The following EYA3 variants were observed in gnomAD, a reference collection of about 807,000 sequenced individuals.
EYA3 encodes the protein protein phosphatase EYA3.
A neutral mutation model predicts 80.0 loss-of-function variants in EYA3; 39 were observed. The observed-to-expected ratio is 0.49, with a 90% CI of 0.38 to 0.64. The LOEUF (loss-of-function observed/expected upper bound fraction) is 0.64. Among genes scored for constraint, EYA3 ranks in the 30% least tolerant of loss-of-function variants. EYA3 has a pLI of 0.00. For missense variants in EYA3, 523 were observed against 676.1 expected, an observed-to-expected ratio of 0.77 and a Z score of 2.51; for synonymous variants, 206 against 232.8, an observed-to-expected ratio of 0.88 and a Z score of 1.05.
At chr1:28,008,974 C>A (rs535574823) in intron 10 of EYA3, among the ~76,000 whole-genome samples, 1 of 152,086 alleles carries the variant, frequency 6.6e-6, no homozygotes, top group South Asian at 2.1e-4. Flanking sequence ...TAGCTATTAT[C>A]AAAAAAATGG....
At chr1:27,978,874 A>G (rs1639121787) in intron 16 of EYA3, among the ~76,000 whole-genome samples, 1 of 152,232 alleles carries the variant, frequency 6.6e-6, no homozygotes, top group African/African-American at 2.4e-5. Flanking sequence ...AGGCAGGAGA[A>G]TCGCTTGAAC....
At chr1:28,081,025 G>A (rs1170450977) in intron 1 of EYA3, among the ~76,000 whole-genome samples, 2 of 152,010 alleles carry the variant, frequency 1.3e-5, no homozygotes, top group African/African-American at 4.8e-5. Flanking sequence ...CCAAAGTGCT[G>A]GGATTACAGG....
intron 11 of EYA3, among the ~76,000 whole-genome samples, chr1:28,003,355 G>C (rs1641032233): frequency 1.3e-5 from 2 of 152,078 alleles, no homozygotes; most frequent in East Asian, 3.8e-4. Context: ...TGTAATCCTA[G>C]CTACTTGGGA....
intron 9 of EYA3, among the ~76,000 whole-genome samples, chr1:28,011,468 T>A (rs78662031): frequency 0.024 from 3,697 of 152,274 alleles, 80 homozygotes; most frequent in Admixed American, 0.08. Context: ...CATTATAGGA[T>A]GTTTGGTTAA....
chr1:28,087,825 C>G (rs2148972279), intron 1 of EYA3, among the ~76,000 whole-genome samples: 1 of 152,270 alleles, frequency 6.6e-6, no homozygotes, highest in Middle Eastern at 3.4e-3. Context: ...TGAGAGAGCC[C>G]CAAAACTGAG....
chr1:28,048,495 C>T, intron 2 of EYA3, 69 bp from the exon 3 acceptor site: 1 of 1,192,208 alleles, frequency 8.4e-7, no homozygotes, highest in African/African-American at 1.5e-5. Flanking sequence ...GCTACTCAAA[C>T]AACAGGCTAT....
At chr1:27,991,077 T>C (rs1640026773) in intron 14 of EYA3, among the ~76,000 whole-genome samples, 1 of 152,150 alleles carries the variant, frequency 6.6e-6, no homozygotes, top group Non-Finnish European at 1.5e-5. Context: ...AGCATATCTT[T>C]TGCAGACTGG....
chr1:28,004,465 T>A, intron 10 of EYA3, 46 bp from the exon 11 acceptor site: 1 of 1,401,070 alleles, frequency 7.1e-7, no homozygotes, highest in Non-Finnish European at 1.0e-6. Context: ...CCAATTACAA[T>A]GGAATGAAAC....
chr1:28,032,036 A>C (rs1165928922), intron 6 of EYA3: 1 of 152,216 alleles, frequency 6.6e-6, no homozygotes, highest in Non-Finnish European at 1.5e-5. Context: ...CCCCACCCCC[A>C]GGAGGTCACC....
intron 10 of EYA3, among the ~76,000 whole-genome samples, chr1:28,007,391 G>A (rs1641365334): frequency 6.7e-6 from 1 of 148,988 alleles, no homozygotes. Context: ...CTGGAGTGCA[G>A]TGGTACGATC....
intron 1 of EYA3, among the ~76,000 whole-genome samples, chr1:28,084,556 AATATATATATATAT>A (rs1553159800): frequency 0.039 from 1,264 of 32,708 alleles, 53 homozygotes; most frequent in South Asian, 0.068. Flanking sequence ...ACTATTCCAA[AATATATATATATAT>A]ATATATATAT....
At chr1:28,039,508 T>C (rs1470007407) in intron 4 of EYA3, among the ~76,000 whole-genome samples, 1 of 152,222 alleles carries the variant, frequency 6.6e-6, no homozygotes, top group Non-Finnish European at 1.5e-5. Context: ...TGTGATACTC[T>C]GATGAACTCT....
chr1:27,980,056 G>A (rs951197895), intron 16 of EYA3, among the ~76,000 whole-genome samples: 5 of 152,100 alleles, frequency 3.3e-5, no homozygotes, highest in African/African-American at 1.2e-4. Context: ...CTTGGCTTAG[G>A]TGCACTTGGG....
chr1:28,034,151 C>A (rs938819178), intron 6 of EYA3, among the ~76,000 whole-genome samples: 1 of 151,786 alleles, frequency 6.6e-6, no homozygotes, highest in African/African-American at 2.4e-5. Flanking sequence ...TATCTAGGAT[C>A]CATATGCACA....
chr1:28,063,331 G>T lies in EYA3; in HGVS notation c.-68-5237C>A, dbSNP rs867060543. 1.9e-3 allele frequency among the ~76,000 whole-genome samples: 263 copies of T among 140,210 alleles called. 2 individuals carry two copies. Among genetic ancestry groups the T allele is most frequent in the African/African-American group, 6.8e-3 (244 of 35,652 alleles). The allele number at this position is 140,210 out of a possible 152,430, so 92.0% of individuals were successfully genotyped here. ...TTTTTTTTTATTTTTAATTTTTTTTGGGGGGGGAAATAACTAAAACCTTTT... is the reference window on the plus strand; with the variant it reads ...TTTTTTTTTATTTTTAATTTTTTTTTGGGGGGGAAATAACTAAAACCTTTT... On this transcript the variant is annotated intron_variant, in intron 1 of 17. Transcript: ENST00000373871.
intron 16 of EYA3, among the ~76,000 whole-genome samples, chr1:27,983,037 C>T (rs746825286): frequency 2.0e-5 from 3 of 152,120 alleles, no homozygotes; most frequent in Non-Finnish European, 4.4e-5. Flanking sequence ...AATCCTTGTA[C>T]ATGTCTCCTT....
chr1:27,981,632 T>C (rs1639307255), intron 16 of EYA3, among the ~76,000 whole-genome samples: 1 of 151,832 alleles, frequency 6.6e-6, no homozygotes, highest in African/African-American at 2.4e-5. Flanking sequence ...ATAGGAAAAG[T>C]TAGGCATGGC....
Position 27,993,530 on chromosome 1 carries a change from A to T in EYA3, c.1173T>A (p.Ser391Arg). The change falls in exon 14 of 18, where the codon AGT (serine) becomes AGA (arginine). Residue 391 changes from serine to arginine, a missense_variant. This residue lies in a region of EYA3 where 219 missense variants were observed against 332.8 expected (regional missense o/e 0.66). Transcript: ENST00000373871. ...CATGGCTGCCACTACCTCCTGAGCC[A>T]CTGAAACCATCTGTTGAGAAACTGT... is the stretch of plus-strand genomic sequence containing the variant. Reference protein sequence around the residue: ...SNYSFSTDGFSGSGGSGSHGS... With the variant: ...SNYSFSTDGFRGSGGSGSHGS... 6.2e-7 allele frequency: 1 copy of T among 1,605,416 alleles called. No homozygotes were observed. The highest frequency in any genetic ancestry group is 8.5e-7 in the Non-Finnish European group (1 of 1,177,544).
chr1:28,002,745 G>A (rs1276926924), intron 11 of EYA3, among the ~76,000 whole-genome samples: 2 of 151,880 alleles, frequency 1.3e-5, no homozygotes, highest in African/African-American at 2.4e-5. Flanking sequence ...TCAAGAGATC[G>A]AAGCTGCAGT....
Sources: allele counts gnomAD v4.1 joint callset (sites outside exome capture counted in the v4.1 genomes callset), GRCh38; gene constraint gnomAD v4.1.1; regional missense constraint gnomAD v4.1.1; transcripts MANE v1.5; gene names NCBI Gene and HGNC (gene_info 2026-07-23, HGNC 2026-07-21).